SMC5: variants seen among roughly 807,000 people sequenced by gnomAD.
The protein encoded by SMC5 is structural maintenance of chromosomes protein 5.
SMC5 carries 88 observed loss-of-function variants against 148.3 expected under a neutral mutation model. The ratio of observed to expected loss-of-function variants is 0.59; its 90% CI spans 0.50 to 0.71. The LOEUF (loss-of-function observed/expected upper bound fraction) is 0.71, where lower values mean the gene tolerates loss of function less well. Ranked by LOEUF, SMC5 falls within the 30% of genes least tolerant of loss-of-function variation. The pLI is 0.00. For synonymous variants in SMC5, 421 were observed against 432.8 expected, an observed-to-expected ratio of 0.97 and a Z score of 0.34; for missense variants, 1,142 against 1,298.9, an observed-to-expected ratio of 0.88 and a Z score of 1.86.
At chr9:70,310,250 A>G (rs1449646960) in intron 11 of SMC5, among the ~76,000 whole-genome samples, 1 of 152,234 alleles carries the variant, frequency 6.6e-6, no homozygotes, top group Non-Finnish European at 1.5e-5. Flanking sequence ...GTGTTTCTTG[A>G]TAAGACTTGA....
intron 17 of SMC5, among the ~76,000 whole-genome samples, chr9:70,336,872 G>A (rs2036371062): frequency 6.6e-6 from 1 of 152,134 alleles, no homozygotes; most frequent in African/African-American, 2.4e-5. Flanking sequence ...CCCGAGACTG[G>A]GCAGTTTACA....
In SMC5 at chr9:70,352,857, G is replaced by A. The variant is rs2036834827; in HGVS notation, c.*526G>A. On this transcript the variant is annotated 3_prime_UTR_variant, in exon 25 of 25. Transcript: ENST00000361138. Reference sequence around the variant, plus strand: ...AAAAAAGATTACCTTATCTCCAGTAGGAAATGGAATTTTATGGGCCTTTAA... The same window carrying A: ...AAAAAAGATTACCTTATCTCCAGTAAGAAATGGAATTTTATGGGCCTTTAA... 1 of 151,898 alleles carries A rather than the reference G, an allele frequency of 6.6e-6. No homozygotes were observed. The highest frequency in any genetic ancestry group is 2.4e-5 in the African/African-American group (1 of 41,332). The allele number at this position is 151,898 out of a possible 1,614,324, so 9.4% of individuals were successfully genotyped here. A position where few individuals can be genotyped will look rare whatever the true frequency, so the allele number is the denominator to read the frequency against.
intron 10 of SMC5, among the ~76,000 whole-genome samples, chr9:70,301,472 C>T (rs1436340000): frequency 6.6e-6 from 1 of 152,204 alleles, no homozygotes; most frequent in Non-Finnish European, 1.5e-5. Context: ...ACGCAGTTTA[C>T]TCACCTTTCT....
intron 10 of SMC5, among the ~76,000 whole-genome samples, chr9:70,305,018 A>G (rs938800867): frequency 1.3e-5 from 2 of 152,212 alleles, no homozygotes; most frequent in Admixed American, 1.3e-4. Flanking sequence ...TAGTATCAAA[A>G]TCAATATGCA....
chr9:70,265,828 A>G (rs1317677946), intron 2 of SMC5, among the ~76,000 whole-genome samples: 2 of 152,222 alleles, frequency 1.3e-5, no homozygotes, highest in Non-Finnish European at 2.9e-5. Flanking sequence ...TTCGATTCCC[A>G]ACTCAAATTC....
chr9:70,346,515 T>C, intron 18 of SMC5, 90 bp from the exon 19 acceptor site: 1 of 1,280,624 alleles, frequency 7.8e-7, no homozygotes. Context: ...TCAGGATGCT[T>C]TTTTAGTTCT....
chr9:70,302,100 C>T (rs1445388439), intron 10 of SMC5, among the ~76,000 whole-genome samples: 3 of 152,162 alleles, frequency 2.0e-5, no homozygotes, highest in Non-Finnish European at 4.4e-5. Flanking sequence ...GGGTTGGGCA[C>T]CATGGCTCAC....
intron 15 of SMC5, among the ~76,000 whole-genome samples, chr9:70,320,270 T>TTC (rs1384071153): frequency 6.6e-6 from 1 of 152,166 alleles, no homozygotes; most frequent in Admixed American, 6.6e-5. Context: ...ATCAAAAATA[T>TTC]TCAAGAGGCC....
chr9:70,347,791 G>T, intron 21 of SMC5, 74 bp downstream of exon 21: 2 of 1,254,518 alleles, frequency 1.6e-6, no homozygotes, highest in Non-Finnish European at 2.2e-6. Flanking sequence ...TGGAAAATGA[G>T]ATGACATGCT....
chr9:70,297,219 A>T (rs571307895), intron 8 of SMC5, among the ~76,000 whole-genome samples: 1 of 152,338 alleles, frequency 6.6e-6, no homozygotes, highest in African/African-American at 2.4e-5. Flanking sequence ...ATTTTAAATG[A>T]TGTTTTTAAT....
chr9:70,297,648 T>C (rs928883155), intron 8 of SMC5, among the ~76,000 whole-genome samples: 1 of 152,204 alleles, frequency 6.6e-6, no homozygotes, highest in Non-Finnish European at 1.5e-5. Flanking sequence ...TTACGGCATA[T>C]AGTATGTACT....
Position 70,305,360 on chromosome 9 carries a change from G to A in SMC5, c.1578G>A (p.Glu526=), listed in dbSNP as rs2035469316. ...SQEDMEVFLK[E]VRDNKKLRVN... ...AAGATATGGAGGTTTTCCTCAAAGA[G>A]GCAAGTACTAACCAACACAACACTT... is the stretch of plus-strand genomic sequence containing the variant. The change falls in exon 11 of 25, where the codon GAG becomes GAA. Residue 526 remains glutamate (E), a splice_region_variant and synonymous_variant. Coordinates refer to ENST00000361138, the MANE Select transcript of SMC5 (RefSeq NM_015110.4). 1 of 1,540,564 alleles carries A rather than the reference G, an allele frequency of 6.5e-7. No homozygotes were observed. The highest frequency in any genetic ancestry group is 8.9e-7 in the Non-Finnish European group (1 of 1,118,022).
At chr9:70,342,514 C>T (rs1266047854) in intron 17 of SMC5, among the ~76,000 whole-genome samples, 2 of 152,040 alleles carry the variant, frequency 1.3e-5, no homozygotes, top group South Asian at 2.1e-4. Flanking sequence ...GTTTTTTGTG[C>T]CAACCAGAGT....
chr9:70,259,423 G>C (rs531192690), intron 1 of SMC5, among the ~76,000 whole-genome samples, 160 bp downstream of exon 1: 1 of 152,216 alleles, frequency 6.6e-6, no homozygotes, highest in Admixed American at 6.5e-5. Flanking sequence ...TCCTACGTAG[G>C]CTGTGGAGAT....
intron 18 of SMC5, among the ~76,000 whole-genome samples, chr9:70,345,214 A>G (rs901407707): frequency 1.3e-5 from 2 of 152,110 alleles, no homozygotes; most frequent in Non-Finnish European, 2.9e-5. Flanking sequence ...TCTATTCTTG[A>G]TAAGTCATAC....
At chr9:70,313,588 C>T (rs2035717081) in intron 11 of SMC5, among the ~76,000 whole-genome samples, 1 of 152,074 alleles carries the variant, frequency 6.6e-6, no homozygotes, top group Non-Finnish European at 1.5e-5. Flanking sequence ...ACCGCTGCCT[C>T]CTGAGTTCAA....
At chr9:70,264,522 G>A in intron 2 of SMC5, 77 bp downstream of exon 2, 1 of 1,463,868 alleles carries the variant, frequency 6.8e-7, no homozygotes, top group East Asian at 2.3e-5. Flanking sequence ...CTACACCTCA[G>A]TTCCTTGGGT....
At chr9:70,351,239 A>C (rs1279726956) in intron 24 of SMC5, among the ~76,000 whole-genome samples, 1 of 152,074 alleles carries the variant, frequency 6.6e-6, no homozygotes, top group South Asian at 2.1e-4. Flanking sequence ...CTATAGTCCC[A>C]GCTACTTGGG....
chr9:70,280,548 C>T (rs1390367864), intron 5 of SMC5, among the ~76,000 whole-genome samples: 1 of 152,176 alleles, frequency 6.6e-6, no homozygotes, highest in African/African-American at 2.4e-5. Context: ...TAGACCAGAA[C>T]TTGGGTATGA....
Sources: gnomAD v4.1 joint callset for allele counts (sites outside exome capture counted in the v4.1 genomes callset) on GRCh38, gnomAD v4.1.1 for gene constraint, MANE v1.5 for transcripts, NCBI Gene and HGNC (gene_info 2026-07-23, HGNC 2026-07-21) for gene names.